Variants in KCNT2 observed in about 807,000 individuals in gnomAD.
KCNT2 encodes potassium sodium-activated channel subfamily T member 2, also known as potassium channel subfamily T member 2.
A neutral mutation model predicts 153.8 loss-of-function variants in KCNT2; 67 were observed. That is an observed-to-expected ratio of 0.44 (90% CI 0.36 to 0.53). KCNT2 has a LOEUF of 0.53. Ranked by LOEUF, KCNT2 falls within the 20% of genes least tolerant of loss-of-function variation. The pLI is 0.00. For synonymous variants in KCNT2, 500 were observed against 458.8 expected (o/e 1.09, Z -1.15); for missense variants, 975 against 1,354.8 (o/e 0.72, Z 4.40).
chr1:196,537,069 G>C (rs998650684), intron 1 of KCNT2, among the ~76,000 whole-genome samples: 1 of 152,182 alleles, frequency 6.6e-6, no homozygotes, highest in African/African-American at 2.4e-5. Context: ...TGCACATCCA[G>C]TTCAAATGGG....
chr1:196,523,900 A>G (rs1270386358), intron 1 of KCNT2, among the ~76,000 whole-genome samples: 1 of 152,202 alleles, frequency 6.6e-6, no homozygotes, highest in Non-Finnish European at 1.5e-5. Flanking sequence ...AAAAGATTAA[A>G]TGACACCAGA....
intron 22 of KCNT2, among the ~76,000 whole-genome samples, chr1:196,304,117 TG>T (rs1211508684): frequency 6.6e-6 from 1 of 152,066 alleles, no homozygotes; most frequent in Non-Finnish European, 1.5e-5. Flanking sequence ...ACAATTTCCC[TG>T]TGGCCATAAA....
At chr1:196,499,233 T>G (rs1680484172) in intron 1 of KCNT2, among the ~76,000 whole-genome samples, 1 of 152,234 alleles carries the variant, frequency 6.6e-6, no homozygotes, top group African/African-American at 2.4e-5. Context: ...TGTTCAAATT[T>G]CTGGCCTCCA....
At chr1:196,488,764 G>T (rs1339893579) in intron 3 of KCNT2, among the ~76,000 whole-genome samples, 1 of 151,924 alleles carries the variant, frequency 6.6e-6, no homozygotes, top group Non-Finnish European at 1.5e-5. Context: ...CATTAATTCA[G>T]CAGCATTCAC....
At chr1:196,590,406 T>C (rs1057070963) in intron 1 of KCNT2, among the ~76,000 whole-genome samples, 1 of 152,176 alleles carries the variant, frequency 6.6e-6, no homozygotes, top group Non-Finnish European at 1.5e-5. Flanking sequence ...CAGATTCTAA[T>C]TATGAGATGG....
intron 22 of KCNT2, among the ~76,000 whole-genome samples, chr1:196,287,402 C>T (rs997817360): frequency 1.3e-5 from 2 of 152,016 alleles, no homozygotes; most frequent in African/African-American, 4.8e-5. Flanking sequence ...GAATAAAGTG[C>T]TGGAACGCCT....
At chr1:196,291,782 A>T (rs1371961999) in intron 22 of KCNT2, among the ~76,000 whole-genome samples, 2 of 152,192 alleles carry the variant, frequency 1.3e-5, no homozygotes, top group Non-Finnish European at 2.9e-5. Context: ...GACTTATTTT[A>T]AATTTGGAGA....
chr1:196,516,815 G>A (rs1682096825), intron 1 of KCNT2, among the ~76,000 whole-genome samples: 1 of 152,164 alleles, frequency 6.6e-6, no homozygotes, highest in African/African-American at 2.4e-5. Context: ...AGTCTTCACT[G>A]TTGATACCTT....
At chr1:196,372,254 A>T (rs149400857) in intron 14 of KCNT2, among the ~76,000 whole-genome samples, 403 of 152,122 alleles carry the variant, frequency 2.6e-3, no homozygotes, top group African/African-American at 9.3e-3. Context: ...TTTTAAATTA[A>T]CAACTTATCC....
chr1:196,516,242 C>A (rs952983282), intron 1 of KCNT2, among the ~76,000 whole-genome samples: 1 of 151,708 alleles, frequency 6.6e-6, no homozygotes, highest in East Asian at 1.9e-4. Context: ...GAGGGAGGGG[C>A]AGGCCACCAT....
Position 196,479,170 on chromosome 1 carries a change from A to G in KCNT2, c.384+9T>C. On this transcript the variant is annotated intron_variant, in intron 5 of 27. Coordinates refer to ENST00000294725, the MANE Select transcript of KCNT2 (RefSeq NM_198503.5). Reference sequence around the variant, plus strand: ...TATCAGCGGGAAACTGCTAATTAAAATAACTTACCTTATAACTAAGATAAC... The same window carrying G: ...TATCAGCGGGAAACTGCTAATTAAAGTAACTTACCTTATAACTAAGATAAC... The G allele has an allele frequency of 6.7e-7, 1 of 1,496,570 alleles. No homozygotes were observed. The highest frequency in any genetic ancestry group is 1.4e-5 in the African/African-American group (1 of 72,364). 92.7% of individuals were successfully genotyped at this position (1,496,570 alleles called of 1,614,324 possible).
At chr1:196,381,054 A>T (rs1300441135) in intron 13 of KCNT2, among the ~76,000 whole-genome samples, 2 of 152,224 alleles carry the variant, frequency 1.3e-5, no homozygotes, top group African/African-American at 4.8e-5. Context: ...AAATGCATAG[A>T]ATCTAACCCA....
chr1:196,524,210 G>GTTTC (rs1653873850), intron 1 of KCNT2, among the ~76,000 whole-genome samples: 1 of 152,164 alleles, frequency 6.6e-6, no homozygotes, highest in East Asian at 1.9e-4. Flanking sequence ...TGGAGTCTGT[G>GTTTC]TTTCCTGGGC....
At chr1:196,575,716 AG>A (rs1377663474) in intron 1 of KCNT2, among the ~76,000 whole-genome samples, 1 of 84,174 alleles carries the variant, frequency 1.2e-5, no homozygotes, top group Non-Finnish European at 3.0e-5. Context: ...GGCGGAATGC[AG>A]TGGTTCACAC....
intron 14 of KCNT2, among the ~76,000 whole-genome samples, chr1:196,370,040 G>T (rs1440569410): frequency 6.6e-6 from 1 of 152,044 alleles, no homozygotes; most frequent in Non-Finnish European, 1.5e-5. Flanking sequence ...ACACCAGTTA[G>T]AATGGCAATC....
At chr1:196,443,536 C>T (rs1042049986) in intron 8 of KCNT2, among the ~76,000 whole-genome samples, 27 of 151,356 alleles carry the variant, frequency 1.8e-4, no homozygotes, top group South Asian at 1.0e-3. Context: ...GGAACAAACA[C>T]ATGGGAAAAA....
intron 8 of KCNT2, among the ~76,000 whole-genome samples, chr1:196,431,564 G>T (rs374644516): frequency 9.9e-5 from 15 of 152,044 alleles, no homozygotes; most frequent in Non-Finnish European, 2.1e-4. Flanking sequence ...GGAGGAAAAG[G>T]CATCCTTATT....
intron 4 of KCNT2, among the ~76,000 whole-genome samples, chr1:196,480,855 CAAAAAAAAAAAA>C (rs372270510): frequency 7.4e-5 from 2 of 26,902 alleles, no homozygotes; most frequent in African/African-American, 1.3e-4. Flanking sequence ...GACTTCGTCT[CAAAAAAAAAAAA>C]AAAAAAAAAA....
chr1:196,364,254 T>C (rs1309031988), intron 14 of KCNT2, among the ~76,000 whole-genome samples: 5 of 152,168 alleles, frequency 3.3e-5, no homozygotes, highest in African/African-American at 1.2e-4. Flanking sequence ...CCAAATTTTG[T>C]GTAAGTTTAA....
Sources: allele counts gnomAD v4.1 joint callset (sites outside exome capture counted in the v4.1 genomes callset), GRCh38; gene constraint gnomAD v4.1.1; transcripts MANE v1.5; gene names NCBI Gene and HGNC (gene_info 2026-07-23, HGNC 2026-07-21).